Variants in PLCXD3 observed in about 807,000 individuals in gnomAD.
The protein encoded by PLCXD3 is PI-PLC X domain-containing protein 3.
In PLCXD3, 19 loss-of-function variants were observed where a neutral mutation model predicts 25.5. That is an observed-to-expected ratio of 0.75 (90% CI 0.52 to 1.09). The LOEUF (loss-of-function observed/expected upper bound fraction) is 1.09, where lower values mean the gene tolerates loss of function less well. Ranked by LOEUF, PLCXD3 falls within the 50% of genes least tolerant of loss-of-function variation. PLCXD3 has a pLI of 0.00. For synonymous variants in PLCXD3, 174 were observed against 137.6 expected (o/e 1.26, Z -1.85); for missense variants, 411 against 388.1 (o/e 1.06, Z -0.50).
At chr5:41,489,452 T>C (rs943112308) in intron 1 of PLCXD3, among the ~76,000 whole-genome samples, 14 of 152,182 alleles carry the variant, frequency 9.2e-5, no homozygotes, top group African/African-American at 3.1e-4. Context: ...AGTAGTTTTT[T>C]CCAATTCTGT....
At chr5:41,486,681 G>A (rs1748524474) in intron 1 of PLCXD3, among the ~76,000 whole-genome samples, 1 of 152,120 alleles carries the variant, frequency 6.6e-6, no homozygotes, top group Admixed American at 6.5e-5. Flanking sequence ...GACCCTGTTA[G>A]CAAAGTAAAT....
intron 1 of PLCXD3, among the ~76,000 whole-genome samples, chr5:41,458,049 C>T (rs372914828): frequency 6.6e-6 from 1 of 151,738 alleles, no homozygotes. Context: ...TGAGACAGAA[C>T]AATGATTTAA....
intron 1 of PLCXD3, among the ~76,000 whole-genome samples, chr5:41,402,973 T>G (rs1298513251): frequency 6.6e-6 from 1 of 152,124 alleles, no homozygotes; most frequent in African/African-American, 2.4e-5. Flanking sequence ...GCTTTTGAAT[T>G]CAATTGTAAT....
intron 1 of PLCXD3, among the ~76,000 whole-genome samples, chr5:41,483,940 C>T (rs1669594815): frequency 6.6e-6 from 1 of 152,012 alleles, no homozygotes; most frequent in Non-Finnish European, 1.5e-5. Context: ...TCTTGGTATT[C>T]TCATACATAT....
chr5:41,353,141 G>A (rs1408750332), intron 2 of PLCXD3, among the ~76,000 whole-genome samples: 1 of 148,510 alleles, frequency 6.7e-6, no homozygotes. Flanking sequence ...TGCCCAGGCT[G>A]GAGTGCAGTG....
rs1195244450 is a variant in PLCXD3, at chr5:41,312,555, C to G, written c.*1062G>C. The G allele has an allele frequency of 6.6e-6, 1 of 151,912 alleles. No homozygotes were observed. The highest frequency in any genetic ancestry group is 2.1e-4 in the South Asian group (1 of 4,826). 9.4% of individuals were successfully genotyped at this position (151,912 alleles called of 1,614,324 possible). The stretch of plus-strand genomic sequence containing the variant: ...TTCTTCTTCCTTCCTCTCTTCCTCC[C>G]TCCCTCCCTCTCTTCCTCCCTCCCT... On this transcript the variant is annotated 3_prime_UTR_variant, in exon 3 of 3. Coordinates refer to ENST00000377801, the MANE Select transcript of PLCXD3 (RefSeq NM_001005473.3).
At chr5:41,337,450 T>C (rs1744017931) in intron 2 of PLCXD3, among the ~76,000 whole-genome samples, 1 of 152,178 alleles carries the variant, frequency 6.6e-6, no homozygotes, top group Non-Finnish European at 1.5e-5. Context: ...TACAGTACTC[T>C]GTTCAGCTTC....
chr5:41,396,803 T>C (rs1746021123), intron 1 of PLCXD3, among the ~76,000 whole-genome samples: 2 of 152,232 alleles, frequency 1.3e-5, no homozygotes, highest in African/African-American at 4.8e-5. Context: ...CTTGCTATGC[T>C]TCAGCAAAGA....
At chr5:41,374,689 C>G (rs1745234268) in intron 2 of PLCXD3, among the ~76,000 whole-genome samples, 1 of 152,028 alleles carries the variant, frequency 6.6e-6, no homozygotes, top group South Asian at 2.1e-4. Context: ...GGAACACTGG[C>G]TTTCCATAGT....
chr5:41,311,838 C>T lies in PLCXD3; in HGVS notation c.*1779G>A, dbSNP rs1743142194. 1 of 152,462 alleles carries T rather than the reference C, an allele frequency of 6.6e-6. No individual in the cohort carries two copies. The highest frequency in any genetic ancestry group is 2.1e-4 in the South Asian group (1 of 4,824). The allele number at this position is 152,462 out of a possible 1,614,324, so 9.4% of individuals were successfully genotyped here. A position where few individuals can be genotyped will look rare whatever the true frequency, so the allele number is the denominator to read the frequency against. Reference sequence around the variant, plus strand: ...GACATATATGGTTTTGAATTGAACTCCCTTATCTAAGTCTAAGAGATTAAG... The same window carrying T: ...GACATATATGGTTTTGAATTGAACTTCCTTATCTAAGTCTAAGAGATTAAG... On this transcript the variant is annotated 3_prime_UTR_variant, in exon 3 of 3. Transcript: ENST00000377801.
chr5:41,382,183 T>G lies in PLCXD3; in HGVS notation c.455A>C (p.Lys152Thr). The change falls in exon 2 of 3, where the codon AAA becomes ACA. Residue 152 changes from lysine (K) to threonine (T), a missense_variant. By Grantham distance (78) the Lys-to-Thr change is moderately conservative. Transcript: ENST00000377801. ...TTGGACCAGTTTTTCATGGTGATATTTCTGCATCCCATAAAAGTGGTTGAA... is the reference window on the plus strand; with the variant it reads ...TTGGACCAGTTTTTCATGGTGATATGTCTGCATCCCATAAAAGTGGTTGAA... Reference protein sequence around the residue: ...LDFNHFYGMQKYHHEKLVQML... With the variant: ...LDFNHFYGMQTYHHEKLVQML... The G allele has an allele frequency of 1.2e-6, 2 of 1,613,772 alleles. No homozygotes were observed. Among genetic ancestry groups the G allele is most frequent in the Middle Eastern group, 1.7e-4 (1 of 6,054 alleles).
intron 1 of PLCXD3, among the ~76,000 whole-genome samples, chr5:41,464,008 A>G (rs976616309): frequency 1.2e-4 from 19 of 152,052 alleles, no homozygotes; most frequent in Non-Finnish European, 5.9e-5. Flanking sequence ...ACTTTCTGTC[A>G]GTTTTTTGCT....
intron 2 of PLCXD3, among the ~76,000 whole-genome samples, chr5:41,364,806 T>G (rs1281913629): frequency 2.6e-5 from 4 of 152,214 alleles, no homozygotes; most frequent in African/African-American, 9.6e-5. Context: ...GTCAGGTTAC[T>G]TCAATAAGGG....
intron 1 of PLCXD3, among the ~76,000 whole-genome samples, chr5:41,470,699 C>A (rs1748134119): frequency 6.6e-6 from 1 of 152,036 alleles, no homozygotes; most frequent in South Asian, 2.1e-4. Context: ...TGGCTGAGTT[C>A]CTTTAATGCT....
At chr5:41,323,266 TA>T (rs575989901) in intron 2 of PLCXD3, among the ~76,000 whole-genome samples, 3 of 151,742 alleles carry the variant, frequency 2.0e-5, no homozygotes, top group Admixed American at 1.3e-4. Flanking sequence ...TTAAAAAGTA[TA>T]AAAAAAAGTT....
At chr5:41,408,629 ACTGT>A (rs1474636533) in intron 1 of PLCXD3, among the ~76,000 whole-genome samples, 14 of 152,190 alleles carry the variant, frequency 9.2e-5, no homozygotes, top group Admixed American at 2.6e-4. Flanking sequence ...ATTTTAATAA[ACTGT>A]CTGAGGTTAT....
At chr5:41,491,175 C>T (rs988017622) in intron 1 of PLCXD3, among the ~76,000 whole-genome samples, 1 of 152,150 alleles carries the variant, frequency 6.6e-6, no homozygotes, top group Non-Finnish European at 1.5e-5. Context: ...TTTCTTTCTG[C>T]CTTCATTTCC....
intron 2 of PLCXD3, among the ~76,000 whole-genome samples, chr5:41,355,391 G>A (rs1289276021): frequency 2.0e-5 from 3 of 152,212 alleles, no homozygotes; most frequent in Non-Finnish European, 4.4e-5. Flanking sequence ...CCAGAACACT[G>A]CAGCTTGCAT....
Position 41,382,398 on chromosome 5 carries a change from C to T in PLCXD3, c.240G>A (p.Gln80=), listed in dbSNP as rs534002169. ...KKLMRKWLAT[Q]TMNFTGQLGA... Reference sequence around the variant, plus strand: ...CTAGCTGGCCAGTAAAATTCATTGTCTGAGTGGCTAACCATTTCCGCATGA... The same window carrying T: ...CTAGCTGGCCAGTAAAATTCATTGTTTGAGTGGCTAACCATTTCCGCATGA... The change falls in exon 2 of 3, where the codon CAG becomes CAA. Residue 80 remains glutamine (Q), a synonymous_variant. Transcript: ENST00000377801. The T allele has an allele frequency of 6.2e-7, 1 of 1,613,490 alleles. No homozygotes were observed. The highest frequency in any genetic ancestry group is 1.3e-5 in the African/African-American group (1 of 74,990).
Sources: allele counts gnomAD v4.1 joint callset (sites outside exome capture counted in the v4.1 genomes callset), GRCh38; gene constraint gnomAD v4.1.1; transcripts MANE v1.5; gene names NCBI Gene and HGNC (gene_info 2026-07-23, HGNC 2026-07-21).